Variants in ARHGEF11 observed in about 807,000 individuals in gnomAD.
ARHGEF11 encodes the protein Rho guanine exchange factor (GEF) 11.
A neutral mutation model predicts 193.7 loss-of-function variants in ARHGEF11; 55 were observed. The ratio of observed to expected loss-of-function variants is 0.28; its 90% CI spans 0.23 to 0.36. The LOEUF (loss-of-function observed/expected upper bound fraction) is 0.36, where lower values mean the gene tolerates loss of function less well. Ranked by LOEUF, ARHGEF11 falls within the 10% of genes least tolerant of loss-of-function variation. ARHGEF11 has a pLI of 1.00. For missense variants in ARHGEF11, 1,723 were observed against 2,005.6 expected, an observed-to-expected ratio of 0.86 and a Z score of 2.69; for synonymous variants, 693 against 768.0, an observed-to-expected ratio of 0.90 and a Z score of 1.62.
intron 14 of ARHGEF11, among the ~76,000 whole-genome samples, chr1:156,960,728 G>A (rs183084048): frequency 8.5e-5 from 13 of 152,296 alleles, no homozygotes; most frequent in Non-Finnish European, 1.5e-4. Flanking sequence ...CAGGCCATTA[G>A]AGCGCATGGG....
At chr1:156,990,036 C>T (rs562953445) in intron 1 of ARHGEF11, among the ~76,000 whole-genome samples, 226 of 152,318 alleles carry the variant, frequency 1.5e-3, no homozygotes, top group African/African-American at 5.2e-3. Flanking sequence ...ATTCAAATTT[C>T]CCCAACTGTC....
At position 156,989,656 on chromosome 1, in the gene ARHGEF11, T is replaced by C. The variant is rs142277240; in HGVS notation, c.33-3483A>G. Among the ~76,000 whole-genome samples, 8 of 152,320 alleles carry C rather than the reference T, an allele frequency of 5.3e-5. No individual in the cohort carries two copies. In the East Asian group the frequency reaches 1.5e-3, roughly 29 times the overall value. ...TGGTTGCCATCCCTTGTCATCTCTGTCCATCTCCTACTACTTTTTCAAGGT... is the reference window on the plus strand; with the variant it reads ...TGGTTGCCATCCCTTGTCATCTCTGCCCATCTCCTACTACTTTTTCAAGGT... On this transcript the variant is annotated intron_variant, in intron 1 of 40. Transcript: ENST00000368194.
At position 156,948,304 on chromosome 1, in the gene ARHGEF11, T is replaced by C. The variant is rs200752025; in HGVS notation, c.2105+15A>G. On this transcript the variant is annotated intron_variant, in intron 23 of 40. Coordinates refer to ENST00000368194, the MANE Select transcript of ARHGEF11 (RefSeq NM_198236.3). The surrounding 1 kb of genome is among the most constrained non-coding windows in gnomAD (Gnocchi z 4.2). ...CTGAGATGTCCATGGGTGCAGCCGTTGTAGCCCTGCCCACCTGGTGGAGAG... is the reference window on the plus strand; with the variant it reads ...CTGAGATGTCCATGGGTGCAGCCGTCGTAGCCCTGCCCACCTGGTGGAGAG... 8.9e-5 allele frequency: 144 copies of C among 1,613,284 alleles called. 3 individuals are homozygous for C. The East Asian group carries it at 3.1e-3, about 35-fold the overall frequency.
chr1:156,978,040 T>C (rs930235861), intron 6 of ARHGEF11, among the ~76,000 whole-genome samples, 164 bp downstream of exon 6: 9 of 152,256 alleles, frequency 5.9e-5, no homozygotes, highest in African/African-American at 1.7e-4. Context: ...CAACTGTTAT[T>C]GTGCAGCCTT....
chr1:156,943,998 T>C lies in ARHGEF11; in HGVS notation c.3172A>G (p.Ser1058Gly). The C allele has an allele frequency of 1.2e-6, 2 of 1,614,214 alleles. No individual in the cohort carries two copies. The highest frequency in any genetic ancestry group is 1.7e-6 in the Non-Finnish European group (2 of 1,180,026). ...HSKTAVGSSD[S>G]KQTFSPVLKL... ...AGCACGGGGCTGAAGGTCTGCTTGC[T>C]GTCTGAGGAGCCCACAGCAGTCTTG... Residue 1058 changes from serine to glycine, a missense_variant, in exon 32 of 41, where the codon AGC becomes GGC. Ser to Gly is a moderately conservative substitution (Grantham distance 56). Around this residue, in one of 5 missense-constraint regions of ARHGEF11, gnomAD observed 491 missense variants for 654.5 expected, o/e 0.75. Coordinates refer to ENST00000368194, the MANE Select transcript of ARHGEF11 (RefSeq NM_198236.3).
Position 156,971,815 on chromosome 1 carries a change from C to A in ARHGEF11, c.584G>T (p.Arg195Leu). The A allele has an allele frequency of 1.2e-6, 2 of 1,612,310 alleles. No individual in the cohort carries two copies. Among genetic ancestry groups the A allele is most frequent in the Non-Finnish European group, 1.7e-6 (2 of 1,179,320 alleles). Residue 195 changes from arginine to leucine, a missense_variant and splice_region_variant, in exon 8 of 41, where the codon CGT becomes CTT. By Grantham distance (102) the Arg-to-Leu change is moderately radical (BLOSUM62 -2). Transcript: ENST00000368194. ...MLRQEEKELQRICEVYSRNPA... is the reference protein window; with the variant it reads ...MLRQEEKELQLICEVYSRNPA... ...GTTCCGGCTATAGACCTCACAGATA[C>A]GCTAGGGATGGGTGAGGAGGAGAAG...
intron 10 of ARHGEF11, among the ~76,000 whole-genome samples, chr1:156,968,731 C>A (rs950718779): frequency 3.9e-5 from 6 of 152,202 alleles, no homozygotes; most frequent in African/African-American, 1.4e-4. Flanking sequence ...TTCATTCTTA[C>A]TTTTGTATTG....
chr1:156,975,603 A>G (rs1357608253), intron 7 of ARHGEF11, among the ~76,000 whole-genome samples: 1 of 152,198 alleles, frequency 6.6e-6, no homozygotes, highest in Admixed American at 6.5e-5. Flanking sequence ...TTTTGGTGTC[A>G]TATCTAAGAA....
At chr1:156,938,613 G>C (rs923114172) in intron 37 of ARHGEF11, 100 bp from the exon 38 acceptor site, 1 of 1,101,188 alleles carries the variant, frequency 9.1e-7, no homozygotes, top group Non-Finnish European at 1.3e-6. Context: ...GGTGGGGACA[G>C]GGGGAGGAGA....
intron 1 of ARHGEF11, among the ~76,000 whole-genome samples, chr1:157,021,538 G>GA (rs1669983104): frequency 1.3e-5 from 2 of 152,186 alleles, no homozygotes; most frequent in Non-Finnish European, 2.9e-5. Context: ...GAAGTTTTCA[G>GA]TCCAAGACAG....
At chr1:157,014,899 T>C (rs923452140) in intron 1 of ARHGEF11, among the ~76,000 whole-genome samples, 42 of 152,212 alleles carry the variant, frequency 2.8e-4, no homozygotes, top group African/African-American at 9.6e-4. Context: ...TAACCAACTT[T>C]TGTAACAATG....
At chr1:156,952,886 C>T (rs909300151) in intron 21 of ARHGEF11, among the ~76,000 whole-genome samples, 2 of 152,352 alleles carry the variant, frequency 1.3e-5, no homozygotes, top group African/African-American at 4.8e-5. Context: ...CATGCAGATG[C>T]CAGGGCCAGC....
At chr1:156,970,919 T>G (rs1409700659) in intron 8 of ARHGEF11, among the ~76,000 whole-genome samples, 1 of 152,222 alleles carries the variant, frequency 6.6e-6, no homozygotes. Flanking sequence ...CTATCAGCCA[T>G]GTAATATGAG....
chr1:157,012,395 AC>A (rs1668647358), intron 1 of ARHGEF11, among the ~76,000 whole-genome samples: 1 of 152,158 alleles, frequency 6.6e-6, no homozygotes, highest in African/African-American at 2.4e-5. Context: ...AAATTCTAAA[AC>A]TAGGATGTGA....
intron 1 of ARHGEF11, among the ~76,000 whole-genome samples, chr1:157,023,765 C>A (rs1049118299): frequency 1.5e-3 from 191 of 124,396 alleles, no homozygotes; most frequent in East Asian, 2.0e-3. Context: ...GACTCCATCT[C>A]AAAAAAAAAA....
intron 1 of ARHGEF11, among the ~76,000 whole-genome samples, chr1:157,000,253 G>A (rs182733820): frequency 1.2e-3 from 179 of 152,274 alleles, no homozygotes; most frequent in Middle Eastern, 3.4e-3. Context: ...ATGATCCACC[G>A]TGCCCGGCCC....
At position 156,948,725 on chromosome 1, in the gene ARHGEF11, A is replaced by G. The variant is rs1658618784; in HGVS notation, c.1926-227T>C. 6.7e-7 allele frequency: 1 copy of G among 1,498,830 alleles called. No homozygotes were observed. The highest frequency in any genetic ancestry group is 2.0e-5 in the Admixed American group (1 of 49,092). 92.8% of individuals were successfully genotyped at this position (1,498,830 alleles called of 1,614,324 possible). On this transcript the variant is annotated intron_variant, in intron 22 of 40. Transcript: ENST00000368194. The surrounding 1 kb of genome is among the most constrained non-coding windows in gnomAD (Gnocchi z 4.2). ...CTCCCCAGCCTAGCCTGATGGATGG[A>G]CAGTCATCTTCCTCTGGAGCTATTA...
intron 1 of ARHGEF11, among the ~76,000 whole-genome samples, chr1:157,014,859 C>G (rs912872311): frequency 2.0e-5 from 3 of 152,154 alleles, no homozygotes; most frequent in Non-Finnish European, 4.4e-5. Flanking sequence ...CCTACCCTTC[C>G]TTCTTAGGAG....
intron 13 of ARHGEF11, among the ~76,000 whole-genome samples, chr1:156,962,904 A>C (rs943733159): frequency 4.6e-5 from 7 of 151,074 alleles, no homozygotes; most frequent in Non-Finnish European, 8.9e-5. Flanking sequence ...AAAAAAAAAA[A>C]AAAACTCTAG....
Sources: allele counts gnomAD v4.1 joint callset (sites outside exome capture counted in the v4.1 genomes callset), GRCh38; gene constraint gnomAD v4.1.1; regional missense constraint gnomAD v4.1.1; non-coding constraint Gnocchi (gnomAD v3.1); transcripts MANE v1.5; gene names NCBI Gene and HGNC (gene_info 2026-07-23, HGNC 2026-07-21).